NEO1: variants seen among roughly 807,000 people sequenced by gnomAD.
NEO1 encodes the protein neogenin.
Under a neutral mutation model 159.7 loss-of-function variants are expected in NEO1, and 63 were observed. That is an observed-to-expected ratio of 0.39 (90% CI 0.32 to 0.49). The LOEUF is 0.49. Among genes scored for constraint, NEO1 ranks in the 20% least tolerant of loss-of-function variants. The pLI is 0.85. For missense variants in NEO1, 1,615 were observed against 1,831.0 expected, an observed-to-expected ratio of 0.88 and a Z score of 2.15; for synonymous variants, 633 against 662.0, an observed-to-expected ratio of 0.96 and a Z score of 0.67.
intron 1 of NEO1, among the ~76,000 whole-genome samples, chr15:73,069,257 C>T (rs1208799644): frequency 2.0e-5 from 3 of 151,718 alleles, no homozygotes; most frequent in African/African-American, 7.3e-5. Flanking sequence ...CCACTGCGCA[C>T]AGCCGAGTAG....
intron 1 of NEO1, among the ~76,000 whole-genome samples, chr15:73,075,025 A>G (rs1595915815): frequency 6.6e-6 from 1 of 152,348 alleles, no homozygotes; most frequent in South Asian, 2.1e-4. Context: ...TTTCAAAATT[A>G]CAGAGTCATA....
At chr15:73,094,066 A>G (rs1379933750) in intron 1 of NEO1, among the ~76,000 whole-genome samples, 1 of 151,896 alleles carries the variant, frequency 6.6e-6, no homozygotes, top group Non-Finnish European at 1.5e-5. Context: ...TTCTATAACT[A>G]TTTTTTTTAA....
intron 5 of NEO1, among the ~76,000 whole-genome samples, chr15:73,147,287 G>C (rs2032981179): frequency 6.6e-6 from 1 of 152,130 alleles, no homozygotes; most frequent in South Asian, 2.1e-4. Context: ...TCCTTCACTT[G>C]ATTCTGTTGT....
At chr15:73,134,884 A>G (rs1217062548) in intron 4 of NEO1, among the ~76,000 whole-genome samples, 1 of 152,216 alleles carries the variant, frequency 6.6e-6, no homozygotes, top group Non-Finnish European at 1.5e-5. Flanking sequence ...ATGGACACAG[A>G]CTAGAAATGT....
chr15:73,224,055 G>A (rs8035063), intron 7 of NEO1, among the ~76,000 whole-genome samples: 66,159 of 151,950 alleles, frequency 0.44, 15,538 homozygotes, highest in Admixed American at 0.53. Context: ...TCCTTCATAT[G>A]TGATGCTTAG....
rs199626965 is a variant in NEO1, at chr15:73,176,596, C to T, written c.1170+39C>T. The T allele has an allele frequency of 3.1e-5, 47 of 1,511,074 alleles. No individual in the cohort carries two copies. The East Asian group carries it at 1.1e-3, about 35-fold the overall frequency. 93.6% of individuals were successfully genotyped at this position (1,511,074 alleles called of 1,614,324 possible). A position where few individuals can be genotyped will look rare whatever the true frequency, so the allele number is the denominator to read the frequency against. On this transcript the variant is annotated intron_variant, in intron 6 of 28. Transcript: ENST00000261908. ...AAAGAAGTGTGTTTATTTCTGTAAC[C>T]TTTAGATATTTTTAAATGTAGTCAC...
chr15:73,079,146 T>C (rs1418164181), intron 1 of NEO1, among the ~76,000 whole-genome samples: 1 of 152,180 alleles, frequency 6.6e-6, no homozygotes, highest in Non-Finnish European at 1.5e-5. Context: ...TGGAATCTTA[T>C]TGTTACTGGT....
Position 73,244,402 on chromosome 15 carries a change from A to T in NEO1, c.1510A>T (p.Met504Leu), listed in dbSNP as rs1272707538. The T allele has an allele frequency of 5.0e-6, 8 of 1,613,846 alleles. No individual in the cohort carries two copies. The highest frequency in any genetic ancestry group is 6.8e-6 in the Non-Finnish European group (8 of 1,179,926). Reference sequence around the variant, plus strand: ...GATGCAAGTAACCATTCAAAACCTAATGCCAGCGACCGTGTACATCTTTAG... The same window carrying T: ...GATGCAAGTAACCATTCAAAACCTATTGCCAGCGACCGTGTACATCTTTAG... Reference protein sequence around the residue: ...GEMQVTIQNLMPATVYIFRVM... With the variant: ...GEMQVTIQNLLPATVYIFRVM... Residue 504 changes from methionine to leucine, a missense_variant, in exon 9 of 29, where the codon ATG becomes TTG. Met to Leu is a conservative substitution (Grantham distance 15). This residue lies in a region of NEO1 where 1,018 missense variants were observed against 1,115.4 expected (regional missense o/e 0.91). Coordinates refer to ENST00000261908, the MANE Select transcript of NEO1 (RefSeq NM_002499.4).
intron 1 of NEO1, among the ~76,000 whole-genome samples, chr15:73,082,903 C>T (rs1267248218): frequency 7.9e-5 from 12 of 152,102 alleles, no homozygotes; most frequent in Admixed American, 7.9e-4. Flanking sequence ...AAGGAAGTGA[C>T]GTTTCAGCTG....
chr15:73,113,360 A>G (rs1390393387), intron 1 of NEO1, among the ~76,000 whole-genome samples: 1 of 152,182 alleles, frequency 6.6e-6, no homozygotes, highest in Non-Finnish European at 1.5e-5. Flanking sequence ...TGGTTATGTA[A>G]TCTAAAGATT....
intron 1 of NEO1, among the ~76,000 whole-genome samples, chr15:73,106,937 A>C (rs2070725046): frequency 6.6e-6 from 1 of 152,182 alleles, no homozygotes. Context: ...GGAAGTTAGG[A>C]CTAGATATTG....
At chr15:73,166,963 A>G (rs995107961) in intron 5 of NEO1, among the ~76,000 whole-genome samples, 1 of 152,008 alleles carries the variant, frequency 6.6e-6, no homozygotes, top group Non-Finnish European at 1.5e-5. Flanking sequence ...GGATGAGTTC[A>G]TGTCCTTTGT....
At chr15:73,227,912 G>A (rs2038682635) in intron 7 of NEO1, among the ~76,000 whole-genome samples, 1 of 152,212 alleles carries the variant, frequency 6.6e-6, no homozygotes, top group Non-Finnish European at 1.5e-5. Context: ...GTCCTGAGAT[G>A]TTTAGACTTA....
At chr15:73,220,269 T>C (rs1233338975) in intron 7 of NEO1, among the ~76,000 whole-genome samples, 2 of 152,226 alleles carry the variant, frequency 1.3e-5, no homozygotes, top group Non-Finnish European at 2.9e-5. Flanking sequence ...TCTTCTGGCT[T>C]GTATGTAGAG....
chr15:73,287,268 G>C (rs1440407779), intron 23 of NEO1, among the ~76,000 whole-genome samples: 7 of 152,080 alleles, frequency 4.6e-5, no homozygotes, highest in Non-Finnish European at 1.0e-4. Context: ...TTCCCTTTAG[G>C]TCTTAGCTTA....
chr15:73,078,308 A>G (rs1404410784), intron 1 of NEO1, among the ~76,000 whole-genome samples: 1 of 152,182 alleles, frequency 6.6e-6, no homozygotes, highest in Non-Finnish European at 1.5e-5. Context: ...AAGGATATTG[A>G]CAATGTAGAA....
chr15:73,289,535 T>C (rs1481808616), intron 25 of NEO1, among the ~76,000 whole-genome samples: 1 of 152,172 alleles, frequency 6.6e-6, no homozygotes, highest in African/African-American at 2.4e-5. Context: ...ATGGGAGAGA[T>C]GGGAAAGCTT....
chr15:73,118,113 C>T (rs1392965817), intron 2 of NEO1, among the ~76,000 whole-genome samples: 4 of 152,130 alleles, frequency 2.6e-5, no homozygotes, highest in Admixed American at 6.5e-5. Context: ...TCCTTCCTCT[C>T]GGCTGTCCCC....
chr15:73,144,349 G>C (rs1258500756), intron 5 of NEO1, among the ~76,000 whole-genome samples: 1 of 152,044 alleles, frequency 6.6e-6, no homozygotes, highest in Non-Finnish European at 1.5e-5. Flanking sequence ...CATTAAAGGT[G>C]AACTTTCCTC....
Sources: gnomAD v4.1 joint callset for allele counts (sites outside exome capture counted in the v4.1 genomes callset) on GRCh38, gnomAD v4.1.1 for gene constraint, gnomAD v4.1.1 regional missense constraint, MANE v1.5 for transcripts, NCBI Gene and HGNC (gene_info 2026-07-23, HGNC 2026-07-21) for gene names.